The following IQGAP2 variants were observed in gnomAD, a reference collection of about 807,000 sequenced individuals.
IQGAP2 encodes ras GTPase-activating-like protein IQGAP2.
Under a neutral mutation model 201.3 loss-of-function variants are expected in IQGAP2, and 173 were observed. That is an observed-to-expected ratio of 0.86 (90% confidence interval 0.76 to 0.98). The LOEUF is 0.98. Ranked by LOEUF, IQGAP2 falls within the 50% of genes least tolerant of loss-of-function variation. The probability of loss-of-function intolerance (pLI) is 0.00; values close to 1 mark genes in which losing one functional copy is unlikely to be tolerated. For missense variants in IQGAP2, 1,687 were observed against 1,864.8 expected, an observed-to-expected ratio of 0.90 and a Z score of 1.76; for synonymous variants, 675 against 673.9, an observed-to-expected ratio of 1.00 and a Z score of -0.03.
chr5:76,637,161 AG>A lies in IQGAP2; in HGVS notation c.1910del (p.Gly637GlufsTer13). 1 of 1,605,390 alleles carries A rather than the reference AG, an allele frequency of 6.2e-7. No individual in the cohort carries two copies. Among genetic ancestry groups the A allele is most frequent in the Non-Finnish European group, 8.5e-7 (1 of 1,176,836 alleles). ...SCLYKESWLTGKEIEDIIEEV... is the reference protein window; with the variant it reads ...SCLYKESWLTXKEIEDIIEEV... ...GCTTGTATAAAGAATCATGGCTCAC[AG>A]GAAAAGAAATCGAGGTAGGAGGTTG... is the stretch of plus-strand genomic sequence containing the variant. On this transcript the variant is annotated frameshift_variant, in exon 16 of 36. Transcript: ENST00000274364. LOFTEE classifies it high-confidence loss of function.
chr5:76,606,324 T>C, intron 12 of IQGAP2, 21 bp downstream of exon 12: 1 of 1,556,856 alleles, frequency 6.4e-7, no homozygotes, highest in Non-Finnish European at 8.7e-7. Context: ...GACACTTTCC[T>C]TCTCTAGCAT....
intron 1 of IQGAP2, among the ~76,000 whole-genome samples, chr5:76,450,470 C>G (rs1194745209): frequency 6.6e-6 from 1 of 152,152 alleles, no homozygotes; most frequent in African/African-American, 2.4e-5. Flanking sequence ...GCTCTAGGAC[C>G]TTGAGTAAAG....
chr5:76,589,772 A>G (rs1488668914), intron 7 of IQGAP2, 44 bp downstream of exon 7: 1 of 1,029,810 alleles, frequency 9.7e-7, no homozygotes, highest in South Asian at 1.6e-5. Flanking sequence ...TGTGAGACTT[A>G]CCTGTACTTT....
chr5:76,530,111 T>A (rs972998306), intron 2 of IQGAP2, among the ~76,000 whole-genome samples: 4 of 152,176 alleles, frequency 2.6e-5, no homozygotes, highest in Non-Finnish European at 5.9e-5. Flanking sequence ...GTGGACTCTG[T>A]CCTTATAGTT....
intron 15 of IQGAP2, among the ~76,000 whole-genome samples, chr5:76,635,374 T>C (rs1213904656): frequency 6.6e-6 from 1 of 152,212 alleles, no homozygotes; most frequent in Non-Finnish European, 1.5e-5. Context: ...GAATTGACCA[T>C]TGGTGATTGT....
Position 76,677,243 on chromosome 5 carries a change from G to A in IQGAP2, c.3553G>A (p.Val1185Ile). 2 of 1,613,414 alleles carry A rather than the reference G, an allele frequency of 1.2e-6. No homozygotes were observed. The highest frequency in any genetic ancestry group is 2.2e-5 in the South Asian group (2 of 90,994). The part of the protein sequence containing the change: ...FRKYFKEACN[V>I]PEPEEKFNMD... The stretch of plus-strand genomic sequence containing the variant: ...GAAATATTTCAAAGAAGCATGTAAT[G>A]TCCCTGAGCCAGAAGAGAAGTTTAA... Residue 1185 changes from valine to isoleucine, a missense_variant, in exon 28 of 36, where the codon GTC (valine) becomes ATC (isoleucine). Transcript: ENST00000274364.
In IQGAP2 at chr5:76,673,017, G is replaced by A. The variant is rs372019850; in HGVS notation, c.3069-432G>A. Among the ~76,000 whole-genome samples the A allele has an allele frequency of 2.0e-3, 309 of 151,560 alleles. 1 individual carries two copies. Among genetic ancestry groups the A allele is most frequent in the African/African-American group, 7.2e-3 (299 of 41,284 alleles). ...ACATGTATACATATGTAACTAACCT[G>A]CACATTGTGCACATGTACCCTAAAA... On this transcript the variant is annotated intron_variant, in intron 24 of 35. Coordinates refer to ENST00000274364, the MANE Select transcript of IQGAP2 (RefSeq NM_006633.5).
intron 1 of IQGAP2, among the ~76,000 whole-genome samples, chr5:76,418,944 C>A (rs1191642631): frequency 7.9e-5 from 12 of 152,072 alleles, no homozygotes; most frequent in Non-Finnish European, 1.5e-5. Context: ...ATTATCCACG[C>A]CCTTGACTAT....
chr5:76,659,348 T>C (rs1157475961), intron 21 of IQGAP2, among the ~76,000 whole-genome samples: 2 of 152,190 alleles, frequency 1.3e-5, no homozygotes, highest in East Asian at 3.8e-4. Flanking sequence ...AGAAAATGTA[T>C]ATGCCTGATG....
Position 76,707,347 on chromosome 5 carries a change from T to C in IQGAP2, c.*34T>C, listed in dbSNP as rs2150574974. On this transcript the variant is annotated 3_prime_UTR_variant, in exon 36 of 36. Transcript: ENST00000274364. ...CAGAAATTTCTTGGATTCTGTATCA[T>C]CTGGATTAGGAAATGAATTTGTTTA... 1 of 900,798 alleles carries C rather than the reference T, an allele frequency of 1.1e-6. No homozygotes were observed. Among genetic ancestry groups the C allele is most frequent in the Non-Finnish European group, 1.9e-6 (1 of 538,124 alleles). The allele number at this position is 900,798 out of a possible 1,614,324, so 55.8% of individuals were successfully genotyped here. A position where few individuals can be genotyped will look rare whatever the true frequency, so the allele number is the denominator to read the frequency against.
chr5:76,538,501 A>G (rs894393427), intron 2 of IQGAP2, among the ~76,000 whole-genome samples: 46 of 152,212 alleles, frequency 3.0e-4, no homozygotes, highest in African/African-American at 1.1e-3. Flanking sequence ...CTCAAGCCGG[A>G]TTACAATTCT....
chr5:76,620,348 G>A (rs1749517599), intron 13 of IQGAP2, among the ~76,000 whole-genome samples: 2 of 137,020 alleles, frequency 1.5e-5, no homozygotes, highest in African/African-American at 5.1e-5. Flanking sequence ...GACTCTGATG[G>A]CGGCTTAAAG....
At chr5:76,452,206 C>A (rs1403558755) in intron 1 of IQGAP2, among the ~76,000 whole-genome samples, 4 of 148,166 alleles carry the variant, frequency 2.7e-5, no homozygotes, top group African/African-American at 9.8e-5. Context: ...TGAGCCACCA[C>A]GCCCAGCCCT....
chr5:76,547,514 G>A lies in IQGAP2; in HGVS notation c.147-14882G>A, dbSNP rs1264058562. On this transcript the variant is annotated intron_variant, in intron 2 of 35. Coordinates refer to ENST00000274364, the MANE Select transcript of IQGAP2 (RefSeq NM_006633.5). ...ATTTTCCTGCCTACGTTGGGGCAAA[G>A]ACGTGTTAAAAGTGCAAGAACAGTG... The A allele has an allele frequency of 6.3e-6, 4 of 631,054 alleles. No homozygotes were observed. The South Asian group carries it at 2.8e-4, about 44-fold the overall frequency. The allele number at this position is 631,054 out of a possible 1,614,324, so 39.1% of individuals were successfully genotyped here.
intron 27 of IQGAP2, among the ~76,000 whole-genome samples, chr5:76,676,859 C>A (rs1744864741): frequency 6.6e-6 from 1 of 152,302 alleles, no homozygotes; most frequent in African/African-American, 2.4e-5. Context: ...ATTCCTCACA[C>A]AGACTTGATT....
intron 1 of IQGAP2, among the ~76,000 whole-genome samples, chr5:76,438,035 GT>G (rs71604291): frequency 2.9e-5 from 2 of 68,600 alleles, no homozygotes; most frequent in African/African-American, 8.1e-5. Context: ...TTTTTTGTTT[GT>G]TTTTTTTTTT....
intron 1 of IQGAP2, chr5:76,404,476 A>G: frequency 1.0e-6 from 1 of 985,476 alleles, no homozygotes; most frequent in Non-Finnish European, 1.2e-6. Context: ...CTGTCAGTGA[A>G]CCCAAGGCCG....
intron 1 of IQGAP2, among the ~76,000 whole-genome samples, chr5:76,414,437 A>G (rs192986092): frequency 1.4e-4 from 22 of 152,338 alleles, no homozygotes; most frequent in African/African-American, 4.8e-4. Flanking sequence ...TGGTAGTTAT[A>G]GAGCTAATAC....
At chr5:76,496,757 C>CTTTCTTTCT (rs1561416484) in intron 2 of IQGAP2, among the ~76,000 whole-genome samples, 2,632 of 79,170 alleles carry the variant, frequency 0.033, 138 homozygotes, top group East Asian at 0.068. Flanking sequence ...TTCTTTCTTT[C>CTTTCTTTCT]TTTCTTTCTT....
Sources: gnomAD v4.1 joint callset for allele counts (sites outside exome capture counted in the v4.1 genomes callset) on GRCh38, gnomAD v4.1.1 for gene constraint, MANE v1.5 for transcripts, NCBI Gene and HGNC (gene_info 2026-07-23, HGNC 2026-07-21) for gene names.